CTNNA3: variants seen among roughly 807,000 people sequenced by gnomAD.
CTNNA3 encodes the protein catenin alpha-3.
CTNNA3 carries 76 observed loss-of-function variants against 95.7 expected under a neutral mutation model. The ratio of observed to expected loss-of-function variants is 0.79; its 90% CI spans 0.66 to 0.96. The LOEUF (loss-of-function observed/expected upper bound fraction) is 0.96. Ranked by LOEUF, CTNNA3 falls within the 40% of genes least tolerant of loss-of-function variation. CTNNA3 has a pLI of 0.00. For missense variants in CTNNA3, 1,191 were observed against 1,089.8 expected (o/e 1.09, Z -1.31); for synonymous variants, 431 against 374.4 (o/e 1.15, Z -1.74).
At position 66,927,075 on chromosome 10, in the gene CTNNA3, G is replaced by A. The variant is rs1400803280; in HGVS notation, c.1048-151551C>T. The A allele has an allele frequency of 6.2e-7, 1 of 1,614,058 alleles. No homozygotes were observed. The highest frequency in any genetic ancestry group is 8.5e-7 in the Non-Finnish European group (1 of 1,180,046). ...TATATTGTGAATCTCAGAAATTACAGGAGATACCCTCAAGTATATCTGCTG... is the reference window on the plus strand; with the variant it reads ...TATATTGTGAATCTCAGAAATTACAAGAGATACCCTCAAGTATATCTGCTG... On this transcript the variant is annotated intron_variant, in intron 7 of 17. Coordinates refer to ENST00000433211, the MANE Select transcript of CTNNA3 (RefSeq NM_013266.4). The surrounding 1 kb of genome is among the most constrained non-coding windows in gnomAD (Gnocchi z 4.7).
intron 1 of CTNNA3, among the ~76,000 whole-genome samples, chr10:67,674,591 C>T (rs544383725): frequency 6.6e-6 from 1 of 152,230 alleles, no homozygotes; most frequent in East Asian, 1.9e-4. Context: ...CACCTCCTCA[C>T]CAAAACAAGA....
At chr10:66,598,129 A>T (rs1028314417) in intron 10 of CTNNA3, among the ~76,000 whole-genome samples, 3 of 152,058 alleles carry the variant, frequency 2.0e-5, no homozygotes, top group Admixed American at 6.6e-5. Flanking sequence ...TGTAAATGTA[A>T]TATATCACAT....
chr10:67,136,203 T>A lies in CTNNA3; in HGVS notation c.1047+44114A>T, dbSNP rs926766431. On this transcript the variant is annotated intron_variant, in intron 7 of 17. Coordinates refer to ENST00000433211, the MANE Select transcript of CTNNA3 (RefSeq NM_013266.4). ...TTTTTACCAGTCATTACATATTCCA[T>A]TATCCCTTATATTTTCTATTTTTAG... is the stretch of plus-strand genomic sequence containing the variant. Among the ~76,000 whole-genome samples the A allele has an allele frequency of 2.0e-5, 3 of 152,080 alleles. 1 individual carries two copies. The East Asian group carries it at 5.8e-4, about 29-fold the overall frequency.
At chr10:66,331,338 G>GCTTGCTTTTTT (rs1417713676) in intron 12 of CTNNA3, among the ~76,000 whole-genome samples, 1,123 of 39,032 alleles carry the variant, frequency 0.029, 162 homozygotes, top group African/African-American at 0.035. Flanking sequence ...TTTCCCCATT[G>GCTTGCTTTTTT]TTTGTTTTTT....
At chr10:67,622,216 A>T (rs1412975699) in intron 2 of CTNNA3, among the ~76,000 whole-genome samples, 1 of 152,158 alleles carries the variant, frequency 6.6e-6, no homozygotes, top group South Asian at 2.1e-4. Flanking sequence ...TGCTTCTATC[A>T]ATCTATTAAT....
chr10:67,667,870 G>A (rs932671649), intron 1 of CTNNA3, among the ~76,000 whole-genome samples: 8 of 151,996 alleles, frequency 5.3e-5, no homozygotes, highest in Admixed American at 5.2e-4. Context: ...ATATAAAATA[G>A]ATACCTGGGC....
At chr10:66,091,190 T>C (rs1325505503) in intron 14 of CTNNA3, among the ~76,000 whole-genome samples, 4 of 151,936 alleles carry the variant, frequency 2.6e-5, no homozygotes, top group Non-Finnish European at 5.9e-5. Flanking sequence ...ACATACTTGC[T>C]AGCCAGATGT....
At chr10:66,106,321 T>TTG (rs1175964415) in intron 13 of CTNNA3, among the ~76,000 whole-genome samples, 4 of 139,036 alleles carry the variant, frequency 2.9e-5, no homozygotes, top group Non-Finnish European at 6.1e-5. Context: ...TCTGGAAGTT[T>TTG]TGTGTGTGTG....
At chr10:67,313,443 A>T (rs2616685) in intron 5 of CTNNA3, among the ~76,000 whole-genome samples, 103,602 of 144,938 alleles carry the variant, frequency 0.71, 39,299 homozygotes, top group Non-Finnish European at 0.85. Flanking sequence ...AAAAAAAAAA[A>T]AATAATAATA....
At chr10:67,094,950 T>C (rs893685359) in intron 7 of CTNNA3, among the ~76,000 whole-genome samples, 6 of 151,548 alleles carry the variant, frequency 4.0e-5, no homozygotes, top group African/African-American at 1.5e-4. Context: ...ATCACCAAAA[T>C]TTGCATTTTC....
chr10:66,728,506 C>T (rs1425031009), intron 9 of CTNNA3, among the ~76,000 whole-genome samples: 3 of 152,148 alleles, frequency 2.0e-5, no homozygotes, highest in Non-Finnish European at 4.4e-5. Context: ...ATCTTTGCCC[C>T]ATGCCTATGT....
intron 17 of CTNNA3, among the ~76,000 whole-genome samples, chr10:65,936,811 T>G (rs182028347): frequency 1.4e-4 from 21 of 152,172 alleles, no homozygotes; most frequent in African/African-American, 5.1e-4. Context: ...ACAGGCATAA[T>G]AATCATATCT....
rs1847140801 is a variant in CTNNA3 at position 66,927,409 on chromosome 10, C to G, written c.1048-151885G>C. 6.2e-7 allele frequency: 1 copy of G among 1,614,036 alleles called. No homozygotes were observed. Reference sequence around the variant, plus strand: ...GCGGAAGCTGCTGAGTTTACATTTACGGTCTAACTCCCTGAGAACCATCCC... The same window carrying G: ...GCGGAAGCTGCTGAGTTTACATTTAGGGTCTAACTCCCTGAGAACCATCCC... On this transcript the variant is annotated intron_variant, in intron 7 of 17. Coordinates refer to ENST00000433211, the MANE Select transcript of CTNNA3 (RefSeq NM_013266.4). This position sits in a 1 kb window ranked among gnomAD's most constrained non-coding sequence, Gnocchi z 4.7.
chr10:66,067,154 AG>A (rs2080330348), intron 15 of CTNNA3, among the ~76,000 whole-genome samples: 2 of 152,174 alleles, frequency 1.3e-5, no homozygotes, highest in African/African-American at 2.4e-5. Flanking sequence ...CACAGAAGCC[AG>A]AACCCCTTTT....
chr10:67,683,026 C>A (rs1589562977), intron 1 of CTNNA3, among the ~76,000 whole-genome samples: 1 of 152,098 alleles, frequency 6.6e-6, no homozygotes, highest in South Asian at 2.1e-4. Context: ...TTTCTTGACC[C>A]AAATTAGGGT....
At chr10:66,526,203 T>A (rs186784403) in intron 10 of CTNNA3, among the ~76,000 whole-genome samples, 7 of 151,992 alleles carry the variant, frequency 4.6e-5, no homozygotes, top group Admixed American at 1.3e-4. Flanking sequence ...ACAATTTTTT[T>A]AAAAAGGGGT....
At chr10:66,270,763 GT>G (rs1324579838) in intron 13 of CTNNA3, among the ~76,000 whole-genome samples, 1 of 152,104 alleles carries the variant, frequency 6.6e-6, no homozygotes, top group Non-Finnish European at 1.5e-5. Flanking sequence ...GAGGCCTCCT[GT>G]GCAGAGTCTT....
At chr10:66,259,636 C>G (rs958139112) in intron 13 of CTNNA3, among the ~76,000 whole-genome samples, 1 of 152,148 alleles carries the variant, frequency 6.6e-6, no homozygotes, top group Non-Finnish European at 1.5e-5. Context: ...TACCTAGCTC[C>G]AGATTCTTTA....
intron 3 of CTNNA3, among the ~76,000 whole-genome samples, chr10:67,559,745 T>TA (rs1841416152): frequency 6.6e-6 from 1 of 151,912 alleles, no homozygotes; most frequent in Non-Finnish European, 1.5e-5. Flanking sequence ...TTGAAAAAAA[T>TA]ATAGACGAAT....
Sources: allele counts gnomAD v4.1 joint callset (sites outside exome capture counted in the v4.1 genomes callset), GRCh38; gene constraint gnomAD v4.1.1; non-coding constraint Gnocchi (gnomAD v3.1); transcripts MANE v1.5; gene names NCBI Gene and HGNC (gene_info 2026-07-23, HGNC 2026-07-21).